The following ATL1 variants were observed in gnomAD, a reference collection of about 807,000 sequenced individuals.
ATL1 encodes the protein atlastin GTPase 1.
In ATL1, 31 loss-of-function variants were observed where a neutral mutation model predicts 75.5. The observed-to-expected ratio is 0.41, with a 90% CI of 0.31 to 0.55. ATL1 has a LOEUF of 0.55. Among genes scored for constraint, ATL1 ranks in the 20% least tolerant of loss-of-function variants. The probability of loss-of-function intolerance (pLI) is 0.27; values close to 1 mark genes in which losing one functional copy is unlikely to be tolerated. For synonymous variants in ATL1, 226 were observed against 233.3 expected (o/e 0.97, Z 0.28); for missense variants, 405 against 662.6 (o/e 0.61, Z 4.27).
intron 8 of ATL1, among the ~76,000 whole-genome samples, chr14:50,616,679 A>T (rs2039419017): frequency 6.6e-6 from 1 of 152,146 alleles, no homozygotes; most frequent in Non-Finnish European, 1.5e-5. Flanking sequence ...CAATTGGTTT[A>T]CAGTTAACTA....
rs2038501079 is a variant in ATL1 at position 50,536,972 on chromosome 14, G to C, written c.-140+3605G>C. 1.3e-5 allele frequency among the ~76,000 whole-genome samples: 2 copies of C among 152,244 alleles called. 1 individual carries two copies. Among genetic ancestry groups the C allele is most frequent in the Admixed American group, 1.3e-4 (2 of 15,288 alleles). ...CATTTTCTGAGGAAAAATTCAAGCA[G>C]GCTGCAGAAATTTGCATAAGTAACG... On this transcript the variant is annotated intron_variant, in intron 1 of 13. Transcript: ENST00000441560.
intron 1 of ATL1, among the ~76,000 whole-genome samples, chr14:50,540,790 G>T (rs1173056027): frequency 1.3e-5 from 2 of 152,124 alleles, no homozygotes; most frequent in Non-Finnish European, 2.9e-5. Flanking sequence ...ATGATAGGTA[G>T]GAACAAGTGT....
intron 1 of ATL1, among the ~76,000 whole-genome samples, chr14:50,581,084 T>C (rs2039051066): frequency 6.6e-6 from 1 of 151,942 alleles, no homozygotes; most frequent in African/African-American, 2.4e-5. Flanking sequence ...TCTTATTTTC[T>C]TTGATCAGTC....
At chr14:50,593,409 A>G (rs1300811366) in intron 4 of ATL1, among the ~76,000 whole-genome samples, 1 of 152,214 alleles carries the variant, frequency 6.6e-6, no homozygotes, top group Non-Finnish European at 1.5e-5. Flanking sequence ...CATGATATTC[A>G]GAACCTAACT....
chr14:50,588,001 G>A lies in ATL1; in HGVS notation c.205G>A (p.Ala69Thr). The A allele has an allele frequency of 1.2e-6, 2 of 1,614,216 alleles. No individual in the cohort carries two copies. The highest frequency in any genetic ancestry group is 1.7e-6 in the Non-Finnish European group (2 of 1,180,046). The change falls in exon 2 of 14, where the codon GCT (alanine) becomes ACT (threonine). Residue 69 changes from alanine (A) to threonine (T), a missense_variant. This residue lies in a region of ATL1 where 126 missense variants were observed against 172.0 expected (regional missense o/e 0.73). Transcript: ENST00000358385. Reference sequence around the variant, plus strand: ...GGCTGTCAGAGACAAGGAGGTTGTTGCTGTATCTGTTGCTGGAGCATTTAG... The same window carrying A: ...GGCTGTCAGAGACAAGGAGGTTGTTACTGTATCTGTTGCTGGAGCATTTAG... ...SEAVRDKEVV[A>T]VSVAGAFRKG...
At chr14:50,554,381 A>G (rs1190750257) in intron 1 of ATL1, among the ~76,000 whole-genome samples, 1 of 152,206 alleles carries the variant, frequency 6.6e-6, no homozygotes, top group Non-Finnish European at 1.5e-5. Context: ...TGTGGCTTGT[A>G]CGCACAAGCC....
At chr14:50,572,290 A>T (rs1344445693) in intron 1 of ATL1, 4 of 204,446 alleles carry the variant, frequency 2.0e-5, no homozygotes, top group Admixed American at 1.2e-4. Context: ...GTAAGAATTC[A>T]TGTAAGATTA....
intron 13 of ATL1, 70 bp downstream of exon 13, chr14:50,630,079 T>A: frequency 2.5e-6 from 3 of 1,206,834 alleles, no homozygotes; most frequent in Non-Finnish European, 3.6e-6. Context: ...ATAAACTGAC[T>A]AAGCCATTAA....
At chr14:50,578,749 C>G (rs932386997) in intron 1 of ATL1, among the ~76,000 whole-genome samples, 14 of 152,276 alleles carry the variant, frequency 9.2e-5, no homozygotes, top group African/African-American at 3.4e-4. Flanking sequence ...TAATCAGTCC[C>G]TCATTGATGG....
At chr14:50,581,978 A>G (rs1025356127) in intron 1 of ATL1, among the ~76,000 whole-genome samples, 1 of 152,190 alleles carries the variant, frequency 6.6e-6, no homozygotes, top group East Asian at 1.9e-4. Context: ...TAGCAATAAT[A>G]ACTATTAAAG....
chr14:50,581,086 T>C (rs1216659438), intron 1 of ATL1, among the ~76,000 whole-genome samples: 1 of 151,948 alleles, frequency 6.6e-6, no homozygotes, highest in Admixed American at 6.5e-5. Context: ...TTATTTTCTT[T>C]GATCAGTCTT....
chr14:50,554,624 A>T (rs2038743018), intron 1 of ATL1, among the ~76,000 whole-genome samples: 1 of 152,198 alleles, frequency 6.6e-6, no homozygotes, highest in Non-Finnish European at 1.5e-5. Context: ...GAACCCAAAT[A>T]TCTCAGATGG....
intron 9 of ATL1, 71 bp from the exon 10 acceptor site, chr14:50,621,772 T>C: frequency 3.2e-6 from 3 of 933,942 alleles, no homozygotes; most frequent in Non-Finnish European, 5.1e-6. Context: ...GAACTTAGAA[T>C]GCAATTTCAT....
rs1227074475 is a variant in ATL1, at chr14:50,587,737, CT to C, written c.35-93del. The C allele has an allele frequency of 2.0e-6, 3 of 1,522,460 alleles. No individual in the cohort carries two copies. The East Asian group carries it at 6.7e-5, about 34-fold the overall frequency. The allele number at this position is 1,522,460 out of a possible 1,614,324, so 94.3% of individuals were successfully genotyped here. A position where few individuals can be genotyped will look rare whatever the true frequency, so the allele number is the denominator to read the frequency against. ...AATGAGCATTTATAATTCCAGTATG[CT>C]CCTGTGTCGGATGTTTGAGAGTTAA... On this transcript the variant is annotated intron_variant, in intron 1 of 13. Coordinates refer to ENST00000358385, the MANE Select transcript of ATL1 (RefSeq NM_015915.5).
At chr14:50,585,073 A>G (rs1348426360) in intron 1 of ATL1, among the ~76,000 whole-genome samples, 1 of 152,240 alleles carries the variant, frequency 6.6e-6, no homozygotes, top group Non-Finnish European at 1.5e-5. Flanking sequence ...ATGTATATCA[A>G]GACCACAGTG....
chr14:50,544,120 A>C (rs1289148813), intron 1 of ATL1, among the ~76,000 whole-genome samples: 1 of 152,210 alleles, frequency 6.6e-6, no homozygotes, highest in Non-Finnish European at 1.5e-5. Context: ...CTTAGTATTC[A>C]CATCTCTAAT....
intron 1 of ATL1, among the ~76,000 whole-genome samples, chr14:50,547,409 A>C (rs900958663): frequency 2.0e-5 from 3 of 152,202 alleles, no homozygotes; most frequent in Admixed American, 2.0e-4. Context: ...TAGGGGAAGC[A>C]TTGGTGGACC....
intron 1 of ATL1, among the ~76,000 whole-genome samples, chr14:50,553,427 C>G (rs2038727231): frequency 1.3e-5 from 2 of 151,402 alleles, no homozygotes; most frequent in African/African-American, 4.9e-5. Context: ...GCAGGAATGG[C>G]CATAATTTAA....
chr14:50,593,567 A>C (rs562472322), intron 4 of ATL1, among the ~76,000 whole-genome samples: 1 of 152,248 alleles, frequency 6.6e-6, no homozygotes, highest in African/African-American at 2.4e-5. Context: ...AGTTTTTTTG[A>C]CTAATTGCAT....
Sources: allele counts gnomAD v4.1 joint callset (sites outside exome capture counted in the v4.1 genomes callset), GRCh38; gene constraint gnomAD v4.1.1; regional missense constraint gnomAD v4.1.1; transcripts MANE v1.5; gene names NCBI Gene and HGNC (gene_info 2026-07-23, HGNC 2026-07-21).